The following CPED1 variants were observed in gnomAD, a reference collection of about 807,000 sequenced individuals.
The protein encoded by CPED1 is cadherin-like and PC-esterase domain-containing protein 1.
CPED1 carries 114 observed loss-of-function variants against 128.2 expected under a neutral mutation model. The observed-to-expected ratio is 0.89, with a 90% CI of 0.76 to 1.04. The LOEUF (loss-of-function observed/expected upper bound fraction) is 1.04, where lower values mean the gene tolerates loss of function less well. Ranked by LOEUF, CPED1 falls within the 50% of genes least tolerant of loss-of-function variation. The probability of loss-of-function intolerance (pLI) is 0.00; values close to 1 mark genes in which losing one functional copy is unlikely to be tolerated. For synonymous variants in CPED1, 462 were observed against 426.7 expected (o/e 1.08, Z -1.02); for missense variants, 1,211 against 1,207.1 (o/e 1.00, Z -0.05).
chr7:121,108,106 C>T (rs1051013083), intron 7 of CPED1, among the ~76,000 whole-genome samples: 1 of 151,972 alleles, frequency 6.6e-6, no homozygotes, highest in Non-Finnish European at 1.5e-5. Flanking sequence ...ACTGTATTGC[C>T]CCCTAGTGGT....
At position 121,064,326 on chromosome 7, in the gene CPED1, T is replaced by C. The variant is rs1184573617; in HGVS notation, c.616+13T>C. ...AGAAGATTCCCAGGTAATCTTTCGT[T>C]TGCTTCCTTAGGCTTAAACATGTGA... On this transcript the variant is annotated intron_variant, in intron 5 of 22. Coordinates refer to ENST00000310396, the MANE Select transcript of CPED1 (RefSeq NM_024913.5). The C allele has an allele frequency of 6.3e-7, 1 of 1,597,586 alleles. No homozygotes were observed. Among genetic ancestry groups the C allele is most frequent in the East Asian group, 2.2e-5 (1 of 44,800 alleles).
chr7:121,200,035 G>T (rs918746787), intron 16 of CPED1, among the ~76,000 whole-genome samples: 4 of 152,028 alleles, frequency 2.6e-5, no homozygotes, highest in Admixed American at 6.6e-5. Flanking sequence ...CAAGTGCTCA[G>T]TAGGTTACAT....
At position 121,147,848 on chromosome 7, in the gene CPED1, T is replaced by G. The variant is rs577296371; in HGVS notation, c.2055+5707T>G. Among the ~76,000 whole-genome samples, 360 of 152,308 alleles carry G rather than the reference T, an allele frequency of 2.4e-3. 1 individual carries two copies. Among genetic ancestry groups the G allele is most frequent in the Middle Eastern group, 6.8e-3 (2 of 294 alleles). ...TTAGCTACACATTTGAAACTGGCAT[T>G]TGATGACTTATTTTTAAAAAATCAA... is the stretch of plus-strand genomic sequence containing the variant. On this transcript the variant is annotated intron_variant, in intron 16 of 22. Coordinates refer to ENST00000310396, the MANE Select transcript of CPED1 (RefSeq NM_024913.5).
chr7:121,057,452 C>T (rs1793529853), intron 4 of CPED1, among the ~76,000 whole-genome samples: 1 of 152,052 alleles, frequency 6.6e-6, no homozygotes, highest in Non-Finnish European at 1.5e-5. Context: ...TCTGCAAGTC[C>T]CCAATTTCAC....
intron 3 of CPED1, among the ~76,000 whole-genome samples, chr7:121,038,432 T>A (rs1011901874): frequency 2.0e-5 from 3 of 152,080 alleles, no homozygotes; most frequent in Non-Finnish European, 4.4e-5. Context: ...AAAGTAATTA[T>A]TTTTACCTTC....
chr7:121,235,094 A>G lies in CPED1; in HGVS notation c.2056-1620A>G, dbSNP rs149494578. ...TTCTCATTGCTCCCTCTAACATTTCATATAAAAATATTTTTGCAAAATGAA... is the reference window on the plus strand; with the variant it reads ...TTCTCATTGCTCCCTCTAACATTTCGTATAAAAATATTTTTGCAAAATGAA... On this transcript the variant is annotated intron_variant, in intron 16 of 22. Coordinates refer to ENST00000310396, the MANE Select transcript of CPED1 (RefSeq NM_024913.5). Among the ~76,000 whole-genome samples the G allele has an allele frequency of 1.1e-4, 17 of 152,196 alleles. No homozygotes were observed. In the East Asian group the frequency reaches 2.9e-3, roughly 26 times the overall value.
rs757679860 is a variant in CPED1 at position 121,267,272 on chromosome 7, G to C, written c.2691G>C (p.Leu897=). 6.3e-7 allele frequency: 1 copy of C among 1,597,248 alleles called. No homozygotes were observed. The highest frequency in any genetic ancestry group is 1.7e-5 in the Admixed American group (1 of 59,196). The stretch of plus-strand genomic sequence containing the variant: ...AAACTTTGGGAATTGGATTTCATCT[G>C]CCAGTGGATGGAGTACATTTCTTAA... The part of the protein sequence containing the change: ...IIKTLGIGFH[L]PVDGVHFLTQ... Residue 897 remains leucine, a synonymous_variant, in exon 21 of 23, where the codon CTG becomes CTC. Transcript: ENST00000310396.
intron 3 of CPED1, among the ~76,000 whole-genome samples, chr7:121,016,348 A>G (rs1456665139): frequency 6.6e-6 from 1 of 152,222 alleles, no homozygotes; most frequent in African/African-American, 2.4e-5. Context: ...AATAAAAGAC[A>G]AGTTTTTAAA....
chr7:121,007,695 A>C (rs1792057607), intron 2 of CPED1, among the ~76,000 whole-genome samples: 1 of 152,114 alleles, frequency 6.6e-6, no homozygotes, highest in Non-Finnish European at 1.5e-5. Flanking sequence ...ACAACAAATT[A>C]ATTTTCCTGA....
Position 121,046,980 on chromosome 7 carries a change from G to T in CPED1, c.527G>T (p.Gly176Val). Residue 176 changes from glycine (G) to valine (V), a missense_variant, in exon 4 of 23, where the codon GGT becomes GTT. Gly to Val is a moderately radical substitution (Grantham distance 109). Transcript: ENST00000310396. The stretch of plus-strand genomic sequence containing the variant: ...TCCAAGGAAGTCATGTGCCAGTTAG[G>T]TTTACATCAAAAGGTAAATACTCTC... ...CISKEVMCQLGLHQKANRLPE... is the reference protein window; with the variant it reads ...CISKEVMCQLVLHQKANRLPE... 1 of 1,608,460 alleles carries T rather than the reference G, an allele frequency of 6.2e-7. No individual in the cohort carries two copies. The highest frequency in any genetic ancestry group is 1.7e-4 in the Middle Eastern group (1 of 6,050).
At chr7:121,083,649 G>T (rs934556278) in intron 5 of CPED1, 1 of 152,226 alleles carries the variant, frequency 6.6e-6, no homozygotes, top group Admixed American at 6.5e-5. Flanking sequence ...GAGCCAGGCT[G>T]CGTATGTGTA....
At chr7:121,234,137 A>G (rs1798200530) in intron 16 of CPED1, among the ~76,000 whole-genome samples, 1 of 151,060 alleles carries the variant, frequency 6.6e-6, no homozygotes, top group Non-Finnish European at 1.5e-5. Context: ...TGCTGGGCAC[A>G]TTACTCCAAC....
intron 2 of CPED1, among the ~76,000 whole-genome samples, chr7:121,015,088 G>T (rs1205642321): frequency 6.6e-6 from 1 of 152,182 alleles, no homozygotes; most frequent in Admixed American, 6.5e-5. Flanking sequence ...TACTTCAGTA[G>T]TTCTCCTCTC....
chr7:121,237,075 A>G (rs1368175132), intron 17 of CPED1, among the ~76,000 whole-genome samples: 5 of 152,108 alleles, frequency 3.3e-5, no homozygotes, highest in African/African-American at 7.2e-5. Flanking sequence ...TATGTTACCC[A>G]TGTTACACTT....
At chr7:121,230,171 A>G (rs539696252) in intron 16 of CPED1, among the ~76,000 whole-genome samples, 2 of 152,218 alleles carry the variant, frequency 1.3e-5, no homozygotes, top group South Asian at 4.1e-4. Flanking sequence ...ATAAAAGAAC[A>G]TGAAGACACA....
intron 22 of CPED1, among the ~76,000 whole-genome samples, chr7:121,272,677 TAC>T (rs990733465): frequency 6.6e-6 from 1 of 152,138 alleles, no homozygotes; most frequent in African/African-American, 2.4e-5. Context: ...TTGCTGGAAA[TAC>T]AGTTAGTTCC....
At chr7:121,100,592 G>C (rs1794824398) in intron 7 of CPED1, among the ~76,000 whole-genome samples, 1 of 152,126 alleles carries the variant, frequency 6.6e-6, no homozygotes, top group Non-Finnish European at 1.5e-5. Flanking sequence ...TAATAGGGAA[G>C]ATTTCAGGGA....
At position 121,042,364 on chromosome 7, in the gene CPED1, T is replaced by A. The variant is rs569903261; in HGVS notation, c.434-4523T>A. ...CTGTAGTTATTTCTTCCTCTGAGCTTCCAAAGACAAACAGATGTACCAGAC... is the reference window on the plus strand; with the variant it reads ...CTGTAGTTATTTCTTCCTCTGAGCTACCAAAGACAAACAGATGTACCAGAC... On this transcript the variant is annotated intron_variant, in intron 3 of 22. Transcript: ENST00000310396. 2.6e-5 allele frequency among the ~76,000 whole-genome samples: 4 copies of A among 152,252 alleles called. No individual in the cohort carries two copies. In the South Asian group the frequency reaches 8.3e-4, roughly 32 times the overall value.
intron 16 of CPED1, among the ~76,000 whole-genome samples, chr7:121,236,423 T>C (rs973659209): frequency 5.3e-5 from 8 of 152,176 alleles, no homozygotes; most frequent in Non-Finnish European, 1.2e-4. Context: ...TCCTCTATTA[T>C]AGTTTGTTTT....
Sources: allele counts gnomAD v4.1 joint callset (sites outside exome capture counted in the v4.1 genomes callset), GRCh38; gene constraint gnomAD v4.1.1; transcripts MANE v1.5; gene names NCBI Gene and HGNC (gene_info 2026-07-23, HGNC 2026-07-21).